The following KDM3A variants were observed in gnomAD, a reference collection of about 807,000 sequenced individuals.
KDM3A encodes the protein lysine-specific demethylase 3A.
KDM3A carries 60 observed loss-of-function variants against 158.0 expected under a neutral mutation model. The ratio of observed to expected loss-of-function variants is 0.38; its 90% CI spans 0.31 to 0.47. The LOEUF (loss-of-function observed/expected upper bound fraction) is 0.47, where lower values mean the gene tolerates loss of function less well. KDM3A is among the 20% of genes least tolerant of loss of function. The pLI is 0.99. For missense variants in KDM3A, 1,319 were observed against 1,574.3 expected (o/e 0.84, Z 2.74); for synonymous variants, 608 against 549.3 (o/e 1.11, Z -1.49).
chr2:86,481,562 T>C (rs1346912594), intron 16 of KDM3A, among the ~76,000 whole-genome samples: 3 of 152,026 alleles, frequency 2.0e-5, no homozygotes, highest in South Asian at 2.1e-4. Flanking sequence ...TTTCACTCTT[T>C]ATTAAGCATT....
Position 86,482,603 on chromosome 2 carries a change from A to G in KDM3A, c.2831A>G (p.Tyr944Cys), listed in dbSNP as rs1324347245. 4 of 1,613,844 alleles carry G rather than the reference A, an allele frequency of 2.5e-6. No individual in the cohort carries two copies. The highest frequency in any genetic ancestry group is 3.4e-6 in the Non-Finnish European group (4 of 1,179,904). Residue 944 changes from tyrosine to cysteine, a missense_variant, in exon 18 of 26, where the codon TAT becomes TGT. This residue lies in a region of KDM3A where 368 missense variants were observed against 415.8 expected (regional missense o/e 0.89). Transcript: ENST00000312912. ...ATTCTGGGCTTTGACACTCCTCACT[A>G]TTGGCTTTGTGATAATCGCTTGCTG... Reference protein sequence around the residue: ...PSILGFDTPHYWLCDNRLLCL... With the variant: ...PSILGFDTPHCWLCDNRLLCL...
rs143405154 is a variant in KDM3A, at chr2:86,466,614, G to T, written c.1250G>T (p.Cys417Phe). The change falls in exon 10 of 26, where the codon TGC becomes TTC. Residue 417 changes from cysteine (C) to phenylalanine (F), a missense_variant. Cys to Phe is a radical substitution (Grantham distance 205). Transcript: ENST00000312912. ...PQALTGLPKE[C>F]LPTKASSKAE... ...GCATTGACTGGCCTTCCTAAGGAGT[G>T]CTTACCTACAAAGGCTTCTTCTAAG... 2,699 of 1,613,936 alleles carry T rather than the reference G, an allele frequency of 1.7e-3. 8 individuals carry two copies. The highest frequency in any genetic ancestry group is 2.0e-3 in the Non-Finnish European group (2,412 of 1,179,886).
intron 8 of KDM3A, among the ~76,000 whole-genome samples, chr2:86,462,130 TCAATA>T (rs1380159338): frequency 6.6e-6 from 1 of 152,050 alleles, no homozygotes; most frequent in Non-Finnish European, 1.5e-5. Flanking sequence ...ATGGGTAGAT[TCAATA>T]CATACTTTGC....
At position 86,472,972 on chromosome 2, in the gene KDM3A, T is replaced by C. The variant is rs567494929; in HGVS notation, c.1725-1804T>C. Among the ~76,000 whole-genome samples, 32 of 152,284 alleles carry C rather than the reference T, an allele frequency of 2.1e-4. No homozygotes were observed. In the East Asian group the frequency reaches 5.4e-3, roughly 26 times the overall value. On this transcript the variant is annotated intron_variant, in intron 11 of 25. Transcript: ENST00000312912. ...GCCAAAGCAAGCTCAATTACTCTCT[T>C]TATTATGAAGTCCTTGTCGTATTGG... is the stretch of plus-strand genomic sequence containing the variant.
At chr2:86,456,416 A>T (rs1039727560) in intron 5 of KDM3A, 26 bp from the exon 6 acceptor site, 14 of 1,057,864 alleles carry the variant, frequency 1.3e-5, no homozygotes, top group Admixed American at 4.3e-5. Flanking sequence ...TTGCTCTAAG[A>T]TTTTTTTTTT....
At chr2:86,489,766 A>G (rs1674364072) in intron 23 of KDM3A, 107 bp downstream of exon 23, 1 of 1,271,646 alleles carries the variant, frequency 7.9e-7, no homozygotes, top group Non-Finnish European at 1.1e-6. Context: ...CACAACCTGA[A>G]AAGTTAAATC....
chr2:86,471,979 C>T lies in KDM3A; in HGVS notation c.1724+1571C>T, dbSNP rs984371575. ...TTTGTATGTGTATGAATTTTGAAGACACTGAAATGGTTATGCTTTGTACAG... is the reference window on the plus strand; with the variant it reads ...TTTGTATGTGTATGAATTTTGAAGATACTGAAATGGTTATGCTTTGTACAG... On this transcript the variant is annotated intron_variant, in intron 11 of 25. Coordinates refer to ENST00000312912, the MANE Select transcript of KDM3A (RefSeq NM_018433.6). 6.6e-5 allele frequency among the ~76,000 whole-genome samples: 10 copies of T among 152,244 alleles called. No homozygotes were observed. In the South Asian group the frequency reaches 1.5e-3, roughly 22 times the overall value.
intron 21 of KDM3A, chr2:86,488,057 T>A (rs1158565955): frequency 7.6e-6 from 1 of 131,888 alleles, no homozygotes; most frequent in Non-Finnish European, 1.8e-5. Flanking sequence ...TTGCTTATAT[T>A]TACAATTTTA....
At chr2:86,441,948 T>TCCCTGCTGTCTCCGCCCGGCCCC in intron 1 of KDM3A, 70 bp from the exon 2 acceptor site, 1 of 710,694 alleles carries the variant, frequency 1.4e-6, no homozygotes, top group South Asian at 1.4e-5. Context: ...CCGCCCGCCC[T>TCCCTGCTGTCTCCGCCCGGCCCC]CCCTGCTGTC....
At chr2:86,453,541 C>T (rs1672559333) in intron 4 of KDM3A, among the ~76,000 whole-genome samples, 1 of 152,092 alleles carries the variant, frequency 6.6e-6, no homozygotes, top group African/African-American at 2.4e-5. Flanking sequence ...TTCGTTAAGC[C>T]CTAAACTCTC....
At chr2:86,441,913 C>T (rs1573130040) in intron 1 of KDM3A, 105 bp from the exon 2 acceptor site, 2 of 859,122 alleles carry the variant, frequency 2.3e-6, no homozygotes, top group Non-Finnish European at 3.4e-6. Flanking sequence ...CCCGGGGCCG[C>T]GTCCTCGCGC....
At chr2:86,489,926 C>G (rs571558381) in intron 23 of KDM3A, 3 of 325,518 alleles carry the variant, frequency 9.2e-6, no homozygotes, top group South Asian at 8.5e-5. Flanking sequence ...TCTCTGCTTT[C>G]AAGTTAGAAG....
At chr2:86,456,659 T>G in intron 6 of KDM3A, 93 bp downstream of exon 6, 2 of 1,325,932 alleles carry the variant, frequency 1.5e-6, no homozygotes, top group South Asian at 2.5e-5. Context: ...AATACCTTTA[T>G]TATTTTATAG....
At chr2:86,464,249 T>C (rs1388303599) in intron 9 of KDM3A, 33 bp downstream of exon 9, 8 of 1,404,416 alleles carry the variant, frequency 5.7e-6, no homozygotes, top group African/African-American at 1.5e-5. Context: ...TGTTTAATTA[T>C]AATAATAAAA....
chr2:86,467,020 T>G, intron 10 of KDM3A, 137 bp downstream of exon 10: 1 of 722,722 alleles, frequency 1.4e-6, no homozygotes, highest in Non-Finnish European at 2.2e-6. Flanking sequence ...TGAAAGAAGG[T>G]ATAATTCCCA....
Position 86,482,690 on chromosome 2 carries a change from G to A in KDM3A, c.2918G>A (p.Gly973Glu). Residue 973 changes from glycine to glutamate, a missense_variant, in exon 18 of 26, where the codon GGG (glycine) becomes GAG (glutamate). This residue lies in a region of KDM3A where 368 missense variants were observed against 415.8 expected (regional missense o/e 0.89). Coordinates refer to ENST00000312912, the MANE Select transcript of KDM3A (RefSeq NM_018433.6). ...WNVFRECWKQ[G>E]QPVMVSGVHH... ...GTGTTTAGGGAGTGCTGGAAACAAG[G>A]GCAGGTAATGTAGGCCTCCCATCCT... is the stretch of plus-strand genomic sequence containing the variant. The A allele has an allele frequency of 1.2e-6, 2 of 1,613,618 alleles. No homozygotes were observed. Among genetic ancestry groups the A allele is most frequent in the African/African-American group, 1.3e-5 (1 of 75,002 alleles).
intron 8 of KDM3A, among the ~76,000 whole-genome samples, chr2:86,460,064 T>C (rs1022431211): frequency 6.6e-6 from 1 of 152,194 alleles, no homozygotes; most frequent in Non-Finnish European, 1.5e-5. Context: ...TGAAAATTTT[T>C]GGTTAACCTA....
At chr2:86,469,930 A>G (rs1050972762) in intron 10 of KDM3A, among the ~76,000 whole-genome samples, 2 of 152,220 alleles carry the variant, frequency 1.3e-5, no homozygotes, top group African/African-American at 4.8e-5. Context: ...AGTATACATT[A>G]ACTTTGAATT....
At chr2:86,472,571 T>G (rs544266255) in intron 11 of KDM3A, among the ~76,000 whole-genome samples, 2 of 152,210 alleles carry the variant, frequency 1.3e-5, no homozygotes, top group East Asian at 3.8e-4. Flanking sequence ...CTTAAAAAAT[T>G]AAAAACTTTC....
Sources: allele counts gnomAD v4.1 joint callset (sites outside exome capture counted in the v4.1 genomes callset), GRCh38; gene constraint gnomAD v4.1.1; regional missense constraint gnomAD v4.1.1; transcripts MANE v1.5; gene names NCBI Gene and HGNC (gene_info 2026-07-23, HGNC 2026-07-21).